Variants in PKHD1 observed in about 807,000 individuals in gnomAD.
PKHD1 encodes the protein PKHD1 ciliary IPT domain containing fibrocystin/polyductin.
In PKHD1, 291 loss-of-function variants were observed where a neutral mutation model predicts 412.0. The ratio of observed to expected loss-of-function variants is 0.71; its 90% CI spans 0.64 to 0.78. PKHD1 has a LOEUF of 0.78. Ranked by LOEUF, PKHD1 falls within the 30% of genes least tolerant of loss-of-function variation. The probability of loss-of-function intolerance (pLI) is 0.00; values close to 1 mark genes in which losing one functional copy is unlikely to be tolerated. For synonymous variants in PKHD1, 1,777 were observed against 1,821.5 expected, an observed-to-expected ratio of 0.98 and a Z score of 0.62; for missense variants, 4,825 against 4,950.7, an observed-to-expected ratio of 0.97 and a Z score of 0.76.
chr6:51,949,690 A>G (rs1790022776), intron 36 of PKHD1, among the ~76,000 whole-genome samples: 1 of 152,120 alleles, frequency 6.6e-6, no homozygotes. Context: ...CACGCTCCAT[A>G]ATCCTATCCA....
At chr6:51,750,527 T>C (rs1371212369) in intron 57 of PKHD1, among the ~76,000 whole-genome samples, 3 of 151,920 alleles carry the variant, frequency 2.0e-5, no homozygotes, top group East Asian at 3.9e-4. Context: ...GGGCACGGCA[T>C]GAGGGAAGGG....
intron 60 of PKHD1, chr6:51,721,577 GA>G: frequency 9.9e-7 from 1 of 1,006,042 alleles, no homozygotes; most frequent in African/African-American, 1.7e-5. Flanking sequence ...TTTAATATCT[GA>G]ATTGCTCCTC....
chr6:51,856,384 C>CTGGA (rs1773316323), intron 48 of PKHD1, among the ~76,000 whole-genome samples: 1 of 152,188 alleles, frequency 6.6e-6, no homozygotes, highest in Admixed American at 6.5e-5. Context: ...GTTGCCCATG[C>CTGGA]TGGAGTGCAA....
chr6:51,636,707 C>T (rs1405084586), intron 64 of PKHD1, among the ~76,000 whole-genome samples: 3 of 152,160 alleles, frequency 2.0e-5, no homozygotes, highest in Non-Finnish European at 4.4e-5. Context: ...ATATACGCTG[C>T]TTTCCCCAAC....
chr6:51,758,433 C>T (rs912880656), intron 55 of PKHD1, among the ~76,000 whole-genome samples: 43 of 152,058 alleles, frequency 2.8e-4, no homozygotes, highest in African/African-American at 9.9e-4. Context: ...TTCCTAGTTC[C>T]AGTCTTCAAA....
chr6:51,674,782 A>G (rs1053192181), intron 60 of PKHD1, among the ~76,000 whole-genome samples: 1 of 152,174 alleles, frequency 6.6e-6, no homozygotes, highest in Non-Finnish European at 1.5e-5. Flanking sequence ...CGATTTGTCA[A>G]ATCACATATT....
intron 31 of PKHD1, 131 bp downstream of exon 31, chr6:52,027,698 G>A (rs997025591): frequency 3.3e-5 from 24 of 724,788 alleles, no homozygotes; most frequent in Non-Finnish European, 5.0e-6. Flanking sequence ...AGTTCCTGGA[G>A]CCCGAGGAAA....
chr6:51,659,361 G>T lies in PKHD1; in HGVS notation c.10765C>A (p.Gln3589Lys), dbSNP rs780182068. Reference protein sequence around the residue: ...VILERLTNFLQIGQNQIRFIH... With the variant: ...VILERLTNFLKIGQNQIRFIH... Reference sequence around the variant, plus strand: ...AACCTGATTTGGTTTTGGCCAATCTGTAAGAAGTTAGTTAGTCTTTCGAGT... The same window carrying T: ...AACCTGATTTGGTTTTGGCCAATCTTTAAGAAGTTAGTTAGTCTTTCGAGT... The change falls in exon 61 of 67, where the codon CAG (glutamine) becomes AAG (lysine). Residue 3589 changes from glutamine to lysine, a missense_variant. By Grantham distance (53) the Gln-to-Lys change is moderately conservative (BLOSUM62 1). Coordinates refer to ENST00000371117, the MANE Select transcript of PKHD1 (RefSeq NM_138694.4). 1.2e-6 allele frequency: 2 copies of T among 1,613,666 alleles called. No individual in the cohort carries two copies. The highest frequency in any genetic ancestry group is 2.7e-5 in the African/African-American group (2 of 74,868).
chr6:51,846,777 G>T (rs1226501029), intron 50 of PKHD1, among the ~76,000 whole-genome samples: 1 of 151,992 alleles, frequency 6.6e-6, no homozygotes, highest in African/African-American at 2.4e-5. Flanking sequence ...CACCCCTAGT[G>T]CTCATATCAG....
intron 36 of PKHD1, among the ~76,000 whole-genome samples, chr6:51,939,337 G>A (rs1355099660): frequency 4.6e-5 from 7 of 151,112 alleles, no homozygotes. Flanking sequence ...TAGGGGGCAA[G>A]AACCCGCTGA....
intron 35 of PKHD1, among the ~76,000 whole-genome samples, chr6:51,996,459 T>C (rs1414723119): frequency 1.3e-5 from 2 of 152,160 alleles, no homozygotes; most frequent in East Asian, 1.9e-4. Context: ...GCCATCCCCG[T>C]TGGGAGCTGG....
At chr6:51,649,024 T>G (rs142726596) in intron 62 of PKHD1, 61 bp downstream of exon 62, 1 of 1,512,368 alleles carries the variant, frequency 6.6e-7, no homozygotes, top group East Asian at 2.3e-5. Context: ...CTCTAAAAGA[T>G]AGGCTGAATG....
At chr6:51,991,002 CA>C (rs1796981237) in intron 35 of PKHD1, among the ~76,000 whole-genome samples, 1 of 152,286 alleles carries the variant, frequency 6.6e-6, no homozygotes, top group Admixed American at 6.5e-5. Flanking sequence ...GTGTCTGTCA[CA>C]TATAAATGTT....
Position 52,070,905 on chromosome 6 carries a change from T to G in PKHD1, c.667+101A>C, listed in dbSNP as rs11969034. 0.029 allele frequency: 22,594 copies of G among 766,066 alleles called. 458 individuals are homozygous for G. Among genetic ancestry groups the G allele is most frequent in the Middle Eastern group, 0.092 (398 of 4,346 alleles). 47.5% of individuals were successfully genotyped at this position (766,066 alleles called of 1,614,324 possible). ...TCTTAACAAATAGTAATTATTGTTA[T>G]TATTATTATCCTCATGAGAACCAAT... On this transcript the variant is annotated intron_variant, in intron 9 of 66. Coordinates refer to ENST00000371117, the MANE Select transcript of PKHD1 (RefSeq NM_138694.4).
Position 51,683,643 on chromosome 6 carries a change from C to T in PKHD1, c.10157-23674G>A, listed in dbSNP as rs139145860. Among the ~76,000 whole-genome samples the T allele has an allele frequency of 2.2e-3, 340 of 152,054 alleles. 4 individuals are homozygous for T. The Middle Eastern group carries it at 0.065, about 29-fold the overall frequency. On this transcript the variant is annotated intron_variant, in intron 60 of 66. Transcript: ENST00000371117. ...CATAGACTCAGGAAATCATAGTAAT[C>T]CTAGGTTTTATTCCATCACATCAGA... is the stretch of plus-strand genomic sequence containing the variant.
At chr6:51,788,580 CCATGCCTCTGGGATGGTCTGACAA>C (rs1793244830) in intron 53 of PKHD1, among the ~76,000 whole-genome samples, 1 of 151,980 alleles carries the variant, frequency 6.6e-6, no homozygotes, top group Non-Finnish European at 1.5e-5. Flanking sequence ...CATACAAAGG[CCATGCCTCTGGGATGGTCTGACAA>C]CCATCTCTAA....
chr6:51,770,864 T>C (rs1032528667), intron 55 of PKHD1, among the ~76,000 whole-genome samples: 1 of 152,094 alleles, frequency 6.6e-6, no homozygotes, highest in Admixed American at 6.6e-5. Flanking sequence ...AACACTAATC[T>C]AGGTGTTACT....
In PKHD1 at chr6:52,050,198, C is replaced by T. The variant is rs1395796908; in HGVS notation, c.2238G>A (p.Trp746Ter). Residue 746 changes from tryptophan (W) to a stop codon, truncating the protein, a stop_gained, in exon 22 of 67, where the codon TGG becomes TGA. Coordinates refer to ENST00000371117, the MANE Select transcript of PKHD1 (RefSeq NM_138694.4). LOFTEE classifies it high-confidence loss of function. ...GGAGCTCCGTGCCACACCCCGCCAG[C>T]CAGGAGGTGACACTGTAGACCGGAG... ...GSPPVYSVTS[W>*]LAGCGTELPL... 1 of 1,614,182 alleles carries T rather than the reference C, an allele frequency of 6.2e-7. No homozygotes were observed. Among genetic ancestry groups the T allele is most frequent in the Admixed American group, 1.7e-5 (1 of 60,028 alleles).
chr6:51,761,488 A>T (rs1788005510), intron 55 of PKHD1, among the ~76,000 whole-genome samples: 1 of 152,104 alleles, frequency 6.6e-6, no homozygotes, highest in Non-Finnish European at 1.5e-5. Flanking sequence ...ACAAAATCTC[A>T]GTTAGATAGG....
Sources: allele counts gnomAD v4.1 joint callset (sites outside exome capture counted in the v4.1 genomes callset), GRCh38; gene constraint gnomAD v4.1.1; transcripts MANE v1.5; gene names NCBI Gene and HGNC (gene_info 2026-07-23, HGNC 2026-07-21).